Variants in BICDL1 observed in about 807,000 individuals in gnomAD.
BICDL1 encodes BICD family-like cargo adapter 1.
A neutral mutation model predicts 76.8 loss-of-function variants in BICDL1; 20 were observed. The observed-to-expected ratio is 0.26, with a 90% CI of 0.18 to 0.38. The LOEUF is 0.38. Among genes scored for constraint, BICDL1 ranks in the 10% least tolerant of loss-of-function variants. The probability of loss-of-function intolerance (pLI) is 1.00; values close to 1 mark genes in which losing one functional copy is unlikely to be tolerated. For synonymous variants in BICDL1, 383 were observed against 337.1 expected, an observed-to-expected ratio of 1.14 and a Z score of -1.49; for missense variants, 700 against 798.6, an observed-to-expected ratio of 0.88 and a Z score of 1.49.
chr12:120,055,071 C>T (rs148036841), intron 2 of BICDL1, among the ~76,000 whole-genome samples: 2 of 152,232 alleles, frequency 1.3e-5, no homozygotes, highest in African/African-American at 2.4e-5. Context: ...AAATAAATGT[C>T]GTCATCCTCA....
intron 2 of BICDL1, among the ~76,000 whole-genome samples, chr12:120,018,728 T>C (rs1952116285): frequency 6.6e-6 from 1 of 151,772 alleles, no homozygotes; most frequent in Non-Finnish European, 1.5e-5. Flanking sequence ...CTTATGGGGT[T>C]GTTAGGGTTG....
intron 2 of BICDL1, among the ~76,000 whole-genome samples, chr12:120,025,823 T>G (rs796562846): frequency 6.6e-6 from 1 of 152,084 alleles, no homozygotes; most frequent in South Asian, 2.1e-4. Flanking sequence ...TATACCACAT[T>G]CCTTTTACTG....
chr12:119,991,405 G>A (rs1328387089), intron 1 of BICDL1, among the ~76,000 whole-genome samples: 1 of 152,148 alleles, frequency 6.6e-6, no homozygotes, highest in Admixed American at 6.6e-5. Flanking sequence ...GTCCAGCGAC[G>A]TAAAAGTAAA....
At position 120,079,865 on chromosome 12, in the gene BICDL1, C is replaced by A. The variant is rs1450310401; in HGVS notation, c.1453-1022C>A. ...GCTTTGCTGTGCTCAGAGCTGCAGT[C>A]CCTGGAAGGGGTTGTAACTGGCAAG... On this transcript the variant is annotated intron_variant, in intron 7 of 9. Transcript: ENST00000548673. This position sits in a 1 kb window ranked among gnomAD's most constrained non-coding sequence, Gnocchi z 4.3. Among the ~76,000 whole-genome samples the A allele has an allele frequency of 6.6e-6, 1 of 152,216 alleles. No homozygotes were observed. Among genetic ancestry groups the A allele is most frequent in the Non-Finnish European group, 1.5e-5 (1 of 68,042 alleles).
intron 8 of BICDL1, among the ~76,000 whole-genome samples, chr12:120,081,756 A>T (rs2138988810): frequency 6.6e-6 from 1 of 151,852 alleles, no homozygotes; most frequent in East Asian, 1.9e-4. Context: ...ACAAAAATAG[A>T]AGATATAAGA....
chr12:120,057,101 G>A, intron 2 of BICDL1: 1 of 522,676 alleles, frequency 1.9e-6, no homozygotes, highest in South Asian at 1.4e-5. Flanking sequence ...ATTTGATGCT[G>A]TGGTTGTATA....
intron 2 of BICDL1, among the ~76,000 whole-genome samples, chr12:120,016,049 C>T (rs1451203241): frequency 6.6e-6 from 1 of 152,168 alleles, no homozygotes; most frequent in African/African-American, 2.4e-5. Flanking sequence ...GTTCTGCATT[C>T]AGTCTTCACT....
rs542779128 is a variant in BICDL1, at chr12:119,990,228, G to A, written c.360G>A (p.Leu120=). The A allele has an allele frequency of 2.5e-6, 4 of 1,575,056 alleles. No homozygotes were observed. The highest frequency in any genetic ancestry group is 1.8e-5 in the Admixed American group (1 of 54,380). Residue 120 remains leucine (L), a synonymous_variant, in exon 1 of 10, where the codon CTG becomes CTA. Coordinates refer to ENST00000548673, the MANE Select transcript of BICDL1 (RefSeq NM_001367886.1). The stretch of plus-strand genomic sequence containing the variant: ...TGGCGGCCCGGCTGGGTAAGGCGCT[G>A]CTCGAGAGGAACCAGGACATGAGCC... ...LVLAARLGKA[L]LERNQDMSRQ...
chr12:120,061,839 A>G lies in BICDL1; in HGVS notation c.762+13A>G. On this transcript the variant is annotated intron_variant, in intron 3 of 9. Coordinates refer to ENST00000548673, the MANE Select transcript of BICDL1 (RefSeq NM_001367886.1). ...CCTTCAGGCCGAGGTGAGCCTCCCG[A>G]CACAGCAGTGCTGGAAGGTGGAGTG... 6.3e-7 allele frequency: 1 copy of G among 1,585,632 alleles called. No individual in the cohort carries two copies. Among genetic ancestry groups the G allele is most frequent in the South Asian group, 1.1e-5 (1 of 90,512 alleles).
chr12:120,023,715 G>A (rs573077455), intron 2 of BICDL1, among the ~76,000 whole-genome samples: 4 of 151,850 alleles, frequency 2.6e-5, no homozygotes, highest in Non-Finnish European at 4.4e-5. Context: ...GCTTGAGCCT[G>A]GGAGGCAGAG....
chr12:120,041,875 A>G (rs1003397106), intron 2 of BICDL1, among the ~76,000 whole-genome samples: 4 of 152,216 alleles, frequency 2.6e-5, no homozygotes, highest in Admixed American at 6.5e-5. Context: ...TAAGATTGGG[A>G]TGCAGGGAGG....
At chr12:120,013,664 G>C (rs1252914943) in intron 2 of BICDL1, among the ~76,000 whole-genome samples, 1 of 152,086 alleles carries the variant, frequency 6.6e-6, no homozygotes, top group Non-Finnish European at 1.5e-5. Flanking sequence ...GTTTTGCCAT[G>C]TTGATTAGGC....
intron 2 of BICDL1, among the ~76,000 whole-genome samples, chr12:120,002,846 T>G (rs576261466): frequency 6.6e-6 from 1 of 152,104 alleles, no homozygotes; most frequent in Non-Finnish European, 1.5e-5. Flanking sequence ...GCAGGGAGCT[T>G]TTTCTACCTT....
chr12:120,053,107 T>G (rs1427048742), intron 2 of BICDL1, among the ~76,000 whole-genome samples: 2 of 151,698 alleles, frequency 1.3e-5, no homozygotes, highest in Non-Finnish European at 2.9e-5. Flanking sequence ...TTTGAGGTGT[T>G]TTGTTCCTGT....
intron 2 of BICDL1, among the ~76,000 whole-genome samples, chr12:120,059,649 A>T (rs1411947980): frequency 1.3e-5 from 2 of 150,438 alleles, no homozygotes; most frequent in African/African-American, 4.9e-5. Flanking sequence ...ACCTCAGGTG[A>T]TCCAGCCACC....
Position 120,093,294 on chromosome 12 carries a change from A to AG in BICDL1, c.*136dup. ...CATGCTAGGGCCCCATGGGTCCGGG[A>AG]GGGCCTGCTCCCTTTCGTCGGTGGG... On this transcript the variant is annotated 3_prime_UTR_variant, in exon 10 of 10. Transcript: ENST00000548673. The AG allele has an allele frequency of 9.4e-7, 1 of 1,063,514 alleles. No homozygotes were observed. The highest frequency in any genetic ancestry group is 1.4e-6 in the Non-Finnish European group (1 of 737,100). The allele number at this position is 1,063,514 out of a possible 1,614,324, so 65.9% of individuals were successfully genotyped here.
At chr12:120,042,914 G>C (rs2138816078) in intron 2 of BICDL1, among the ~76,000 whole-genome samples, 1 of 152,158 alleles carries the variant, frequency 6.6e-6, no homozygotes, top group Non-Finnish European at 1.5e-5. Context: ...GTGCCAGCCT[G>C]GTGTCTATTT....
intron 8 of BICDL1, among the ~76,000 whole-genome samples, chr12:120,088,134 G>A (rs1460801008): frequency 6.6e-6 from 1 of 152,026 alleles, no homozygotes; most frequent in African/African-American, 2.4e-5. Context: ...GTTTCTCCTT[G>A]TTGGTCAGGC....
At chr12:120,065,544 A>G (rs1953202538) in intron 4 of BICDL1, among the ~76,000 whole-genome samples, 1 of 152,222 alleles carries the variant, frequency 6.6e-6, no homozygotes, top group African/African-American at 2.4e-5. Flanking sequence ...TCATCACTCC[A>G]GTCTTCCCAG....
Sources: allele counts gnomAD v4.1 joint callset (sites outside exome capture counted in the v4.1 genomes callset), GRCh38; gene constraint gnomAD v4.1.1; non-coding constraint Gnocchi (gnomAD v3.1); transcripts MANE v1.5; gene names NCBI Gene and HGNC (gene_info 2026-07-23, HGNC 2026-07-21).